GPC6: variants seen among roughly 807,000 people sequenced by gnomAD.
GPC6 encodes glypican-6.
In GPC6, 14 loss-of-function variants were observed where a neutral mutation model predicts 55.2. The observed-to-expected ratio is 0.25, with a 90% CI of 0.17 to 0.40. GPC6 has a LOEUF of 0.40. Among genes scored for constraint, GPC6 ranks in the 10% least tolerant of loss-of-function variants. The pLI is 1.00. For synonymous variants in GPC6, 278 were observed against 259.6 expected, an observed-to-expected ratio of 1.07 and a Z score of -0.68; for missense variants, 641 against 708.5, an observed-to-expected ratio of 0.90 and a Z score of 1.08.
At chr13:93,869,605 C>T (rs909188673) in intron 3 of GPC6, among the ~76,000 whole-genome samples, 2 of 151,846 alleles carry the variant, frequency 1.3e-5, no homozygotes, top group East Asian at 2.0e-4. Flanking sequence ...CTTCAGAATC[C>T]ATGCCTGGCC....
At chr13:93,628,141 T>G (rs1323420021) in intron 2 of GPC6, among the ~76,000 whole-genome samples, 1 of 152,182 alleles carries the variant, frequency 6.6e-6, no homozygotes, top group Non-Finnish European at 1.5e-5. Flanking sequence ...GGGATTAAGT[T>G]AGTTGATTGC....
At chr13:93,880,246 C>T (rs1174441352) in intron 3 of GPC6, among the ~76,000 whole-genome samples, 1 of 151,458 alleles carries the variant, frequency 6.6e-6, no homozygotes, top group East Asian at 2.0e-4. Context: ...AATCATGCTG[C>T]TATAAAGACA....
chr13:94,117,786 C>G (rs965311541), intron 4 of GPC6, among the ~76,000 whole-genome samples: 2 of 152,054 alleles, frequency 1.3e-5, no homozygotes, highest in Non-Finnish European at 2.9e-5. Flanking sequence ...CCATTTATTG[C>G]AATTACTCAT....
chr13:94,268,657 T>A (rs984513284), intron 4 of GPC6, among the ~76,000 whole-genome samples: 1 of 152,194 alleles, frequency 6.6e-6, no homozygotes, highest in African/African-American at 2.4e-5. Flanking sequence ...ATTTCATTCC[T>A]AAGTGAGGAG....
intron 2 of GPC6, among the ~76,000 whole-genome samples, chr13:93,553,650 G>T (rs2139446401): frequency 7.4e-6 from 1 of 135,002 alleles, no homozygotes; most frequent in African/African-American, 2.8e-5. Flanking sequence ...AGCTGAGATT[G>T]TGCCATTGCA....
intron 3 of GPC6, among the ~76,000 whole-genome samples, chr13:94,024,483 A>C (rs1320492451): frequency 1.3e-5 from 2 of 152,184 alleles, no homozygotes; most frequent in African/African-American, 4.8e-5. Context: ...TAATTCAAGC[A>C]TGCCCTTGTG....
chr13:93,623,377 A>C (rs1879039967), intron 2 of GPC6, among the ~76,000 whole-genome samples: 1 of 151,256 alleles, frequency 6.6e-6, no homozygotes, highest in South Asian at 2.1e-4. Context: ...GGCTGGACTA[A>C]TTTACACTCC....
At chr13:93,860,422 A>G (rs1888772899) in intron 3 of GPC6, among the ~76,000 whole-genome samples, 1 of 151,706 alleles carries the variant, frequency 6.6e-6, no homozygotes, top group Non-Finnish European at 1.5e-5. Context: ...TGAGAAATAA[A>G]AGGCTCATTT....
chr13:93,702,000 A>T (rs1882685675), intron 2 of GPC6, among the ~76,000 whole-genome samples: 1 of 152,190 alleles, frequency 6.6e-6, no homozygotes, highest in Admixed American at 6.6e-5. Flanking sequence ...TCTTCCATGA[A>T]TTATAAATGT....
chr13:93,640,750 TCC>T, intron 2 of GPC6, among the ~76,000 whole-genome samples: 1 of 79,082 alleles, frequency 1.3e-5, no homozygotes, highest in Admixed American at 1.4e-4. Context: ...CTCCCCACTT[TCC>T]TTCCCTCCCT....
chr13:93,280,669 G>A (rs935829576), intron 1 of GPC6, among the ~76,000 whole-genome samples: 6 of 152,224 alleles, frequency 3.9e-5, no homozygotes, highest in South Asian at 2.1e-4. Flanking sequence ...TACATAGGGC[G>A]CTTTACTTAT....
At chr13:93,943,086 T>C (rs920914444) in intron 3 of GPC6, among the ~76,000 whole-genome samples, 2 of 152,188 alleles carry the variant, frequency 1.3e-5, no homozygotes, top group Non-Finnish European at 2.9e-5. Context: ...TTATTGCACG[T>C]ATCCTCAGTG....
At chr13:93,455,894 C>CATGACG (rs1358989355) in intron 1 of GPC6, among the ~76,000 whole-genome samples, 1 of 152,186 alleles carries the variant, frequency 6.6e-6, no homozygotes, top group Non-Finnish European at 1.5e-5. Flanking sequence ...TCATGAACTG[C>CATGACG]TGTTCATGGA....
chr13:94,238,211 T>A (rs766553368), intron 4 of GPC6, among the ~76,000 whole-genome samples: 2 of 152,116 alleles, frequency 1.3e-5, no homozygotes, highest in Admixed American at 6.6e-5. Flanking sequence ...GGGCATTGGA[T>A]AAATAGTTCT....
chr13:93,903,286 A>G (rs1462773199), intron 3 of GPC6, among the ~76,000 whole-genome samples: 1 of 152,112 alleles, frequency 6.6e-6, no homozygotes, highest in Non-Finnish European at 1.5e-5. Flanking sequence ...AACAGGTTCC[A>G]TTTTCTTTTC....
intron 3 of GPC6, among the ~76,000 whole-genome samples, chr13:93,873,904 A>T (rs1238567063): frequency 1.3e-5 from 2 of 151,842 alleles, no homozygotes; most frequent in East Asian, 3.9e-4. Flanking sequence ...TGCCTTCAGA[A>T]TCTATCCCCA....
At chr13:93,572,080 T>A (rs898550659) in intron 2 of GPC6, among the ~76,000 whole-genome samples, 3 of 152,162 alleles carry the variant, frequency 2.0e-5, no homozygotes. Flanking sequence ...AAGCCTCCTT[T>A]CACTGGCTCA....
chr13:94,321,618 T>C (rs1264236016), intron 6 of GPC6, among the ~76,000 whole-genome samples: 1 of 152,228 alleles, frequency 6.6e-6, no homozygotes, highest in East Asian at 1.9e-4. Flanking sequence ...GAGCAGAGCA[T>C]TGGAACGGTT....
chr13:94,374,327 G>T (rs9561546), intron 6 of GPC6, among the ~76,000 whole-genome samples: 14 of 150,430 alleles, frequency 9.3e-5, no homozygotes, highest in African/African-American at 3.4e-4. Context: ...CCCATCTCAC[G>T]TGCAGAGACC....
Sources: gnomAD v4.1 joint callset for allele counts (sites outside exome capture counted in the v4.1 genomes callset) on GRCh38, gnomAD v4.1.1 for gene constraint, MANE v1.5 for transcripts, NCBI Gene and HGNC (gene_info 2026-07-23, HGNC 2026-07-21) for gene names.